Variants in NIPBL observed in about 807,000 individuals in gnomAD.
The protein encoded by NIPBL is nipped-B-like protein.
In NIPBL, 19 loss-of-function variants were observed where a neutral mutation model predicts 321.8. The observed-to-expected ratio is 0.06, with a 90% CI of 0.04 to 0.09. The LOEUF (loss-of-function observed/expected upper bound fraction) is 0.09, where lower values mean the gene tolerates loss of function less well. NIPBL is among the 10% of genes least tolerant of loss of function. NIPBL has a pLI of 1.00. For synonymous variants in NIPBL, 1,106 were observed against 1,114.1 expected (o/e 0.99, Z 0.14); for missense variants, 2,210 against 3,327.0 (o/e 0.66, Z 8.26).
intron 1 of NIPBL, among the ~76,000 whole-genome samples, chr5:36,908,563 C>T (rs1477653676): frequency 2.6e-5 from 4 of 151,844 alleles, no homozygotes; most frequent in African/African-American, 9.7e-5. Flanking sequence ...AGAATTGGTA[C>T]CACAAGGAAA....
At chr5:37,056,280 C>G (rs1211281567) in intron 42 of NIPBL, among the ~76,000 whole-genome samples, 1 of 152,016 alleles carries the variant, frequency 6.6e-6, no homozygotes, top group African/African-American at 2.4e-5. Flanking sequence ...TCCATCTGTG[C>G]TATGGGATCT....
At chr5:36,966,101 A>C (rs1742173389) in intron 6 of NIPBL, among the ~76,000 whole-genome samples, 1 of 152,106 alleles carries the variant, frequency 6.6e-6, no homozygotes, top group South Asian at 2.1e-4. Flanking sequence ...TCCAGAATAC[A>C]TTTGACTTTT....
At chr5:36,919,633 AT>A (rs1561386398) in intron 1 of NIPBL, among the ~76,000 whole-genome samples, 1 of 152,218 alleles carries the variant, frequency 6.6e-6, no homozygotes. Context: ...GGAGCTTTCA[AT>A]TTTGTAGGCA....
rs1755209484 is a variant in NIPBL at position 37,064,633 on chromosome 5, A to C, written c.8156A>C (p.Lys2719Thr). ...ATCGCTATTTGCTGTCCAAAGTACA[A>C]AGATCGACCACAAATTGCAAGAGTA... ...DVIAICCPKY[K>T]DRPQIARVVQ... The change falls in exon 47 of 47, where the codon AAA (lysine) becomes ACA (threonine). Residue 2719 changes from lysine to threonine, a missense_variant. Lys to Thr is a moderately conservative substitution (Grantham distance 78, BLOSUM62 -1). This residue lies in a region of NIPBL where 159 missense variants were observed against 319.2 expected (regional missense o/e 0.50). Coordinates refer to ENST00000282516, the MANE Select transcript of NIPBL (RefSeq NM_133433.4). 1 of 1,614,056 alleles carries C rather than the reference A, an allele frequency of 6.2e-7. No individual in the cohort carries two copies. The highest frequency in any genetic ancestry group is 8.5e-7 in the Non-Finnish European group (1 of 1,180,032).
chr5:37,030,755 T>C (rs963785319), intron 32 of NIPBL, among the ~76,000 whole-genome samples: 1 of 151,806 alleles, frequency 6.6e-6, no homozygotes, highest in Non-Finnish European at 1.5e-5. Flanking sequence ...ATTATGTTAG[T>C]ATATCTTTTT....
At chr5:36,934,072 C>A (rs1249806770) in intron 1 of NIPBL, among the ~76,000 whole-genome samples, 7 of 152,068 alleles carry the variant, frequency 4.6e-5, no homozygotes. Flanking sequence ...ATATGACCAC[C>A]TGGTGTCATC....
intron 31 of NIPBL, 55 bp downstream of exon 31, chr5:37,026,382 C>A: frequency 1.1e-6 from 1 of 949,890 alleles, no homozygotes; most frequent in Non-Finnish European, 1.7e-6. Flanking sequence ...CTAATTGAGG[C>A]CTACATGTCT....
At chr5:37,002,942 C>T (rs181650157) in intron 15 of NIPBL, among the ~76,000 whole-genome samples, 177 bp downstream of exon 15, 15 of 150,996 alleles carry the variant, frequency 9.9e-5, no homozygotes, top group African/African-American at 3.6e-4. Context: ...AAAAAGTATT[C>T]TGCAGATTAT....
intron 1 of NIPBL, among the ~76,000 whole-genome samples, chr5:36,914,587 A>T (rs1391400665): frequency 6.6e-6 from 1 of 152,144 alleles, no homozygotes; most frequent in Non-Finnish European, 1.5e-5. Flanking sequence ...AACATAAATG[A>T]ATTTTGTGTT....
At chr5:36,883,928 G>T (rs1005213913) in intron 1 of NIPBL, among the ~76,000 whole-genome samples, 2 of 151,388 alleles carry the variant, frequency 1.3e-5, no homozygotes, top group African/African-American at 4.8e-5. Context: ...TAAAATTGAT[G>T]CACATGAAAA....
intron 34 of NIPBL, 100 bp from the exon 35 acceptor site, chr5:37,044,247 A>T: frequency 9.3e-7 from 1 of 1,079,366 alleles, no homozygotes; most frequent in Non-Finnish European, 1.3e-6. Context: ...CTGGACCTTT[A>T]CGTGCAAAAT....
Position 37,048,565 on chromosome 5 carries a change from A to G in NIPBL, c.6653A>G (p.Asn2218Ser). The G allele has an allele frequency of 6.3e-7, 1 of 1,590,144 alleles. No individual in the cohort carries two copies. Among genetic ancestry groups the G allele is most frequent in the Non-Finnish European group, 8.6e-7 (1 of 1,166,376 alleles). The change falls in exon 39 of 47, where the codon AAT (asparagine) becomes AGT (serine). Residue 2218 changes from asparagine (N) to serine (S), a missense_variant. Transcript: ENST00000282516. The part of the protein sequence containing the change: ...FEQEVKNLYN[N>S]ILSDKNSSVN... ...CAAGAAGTGAAGAATCTATATAATA[A>G]TATTTTATCTGATAAGAACTCCTCA...
In NIPBL at chr5:37,014,785, A is replaced by G; in HGVS notation, c.4643+20A>G. 1 of 1,454,636 alleles carries G rather than the reference A, an allele frequency of 6.9e-7. No homozygotes were observed. The highest frequency in any genetic ancestry group is 9.7e-7 in the Non-Finnish European group (1 of 1,034,554). 90.1% of individuals were successfully genotyped at this position (1,454,636 alleles called of 1,614,324 possible). A position where few individuals can be genotyped will look rare whatever the true frequency, so the allele number is the denominator to read the frequency against. On this transcript the variant is annotated intron_variant, in intron 22 of 46. Transcript: ENST00000282516. ...TAAAAAGTGAGTAAAATTAATATAAATCTGGTTTTTCTTTTCCACAGTATA... is the reference window on the plus strand; with the variant it reads ...TAAAAAGTGAGTAAAATTAATATAAGTCTGGTTTTTCTTTTCCACAGTATA...
Position 36,927,589 on chromosome 5 carries a change from G to T in NIPBL, c.-79-26029G>T, listed in dbSNP as rs1018563627. On this transcript the variant is annotated intron_variant, in intron 1 of 46. Transcript: ENST00000282516. ...TCCAAAAGTTGTGTAAAAAAGATAG[G>T]AGTCAAGGATAATAAGATTTTTGGC... is the stretch of plus-strand genomic sequence containing the variant. 2.0e-5 allele frequency among the ~76,000 whole-genome samples: 3 copies of T among 152,142 alleles called. No homozygotes were observed. The South Asian group carries it at 6.2e-4, about 32-fold the overall frequency.
At chr5:37,061,592 G>A (rs1288902619) in intron 45 of NIPBL, among the ~76,000 whole-genome samples, 1 of 152,068 alleles carries the variant, frequency 6.6e-6, no homozygotes, top group Admixed American at 6.6e-5. Context: ...GGCAGGAGAA[G>A]TGCTTGAGCC....
At chr5:37,058,810 T>G in intron 43 of NIPBL, 81 bp from the exon 44 acceptor site, 1 of 1,296,190 alleles carries the variant, frequency 7.7e-7, no homozygotes, top group Non-Finnish European at 1.1e-6. Flanking sequence ...AGGAAGCTTT[T>G]TCAAGCTGTT....
chr5:36,961,605 T>A lies in NIPBL; in HGVS notation c.458+22T>A, dbSNP rs543937979. Reference sequence around the variant, plus strand: ...CCAGGTAATATATGTATATATCGTTTATTAAATATTGTCTTGTATGGTGAA... The same window carrying A: ...CCAGGTAATATATGTATATATCGTTAATTAAATATTGTCTTGTATGGTGAA... On this transcript the variant is annotated intron_variant, in intron 5 of 46. Transcript: ENST00000282516. 5 of 1,339,420 alleles carry A rather than the reference T, an allele frequency of 3.7e-6. No individual in the cohort carries two copies. In the South Asian group the frequency reaches 4.7e-5, roughly 13 times the overall value. The allele number at this position is 1,339,420 out of a possible 1,614,324, so 83.0% of individuals were successfully genotyped here. A position where few individuals can be genotyped will look rare whatever the true frequency, so the allele number is the denominator to read the frequency against.
intron 1 of NIPBL, among the ~76,000 whole-genome samples, chr5:36,883,528 A>G (rs902542739): frequency 6.9e-6 from 1 of 144,604 alleles, no homozygotes; most frequent in Admixed American, 7.1e-5. Flanking sequence ...TATTCTAGAT[A>G]CATTAAAACT....
intron 1 of NIPBL, among the ~76,000 whole-genome samples, chr5:36,952,258 A>G (rs1740468330): frequency 6.6e-6 from 1 of 152,062 alleles, no homozygotes; most frequent in African/African-American, 2.4e-5. Context: ...TGTCATTTGA[A>G]TGTTTGACGT....
Sources: gnomAD v4.1 joint callset for allele counts (sites outside exome capture counted in the v4.1 genomes callset) on GRCh38, gnomAD v4.1.1 for gene constraint, gnomAD v4.1.1 regional missense constraint, MANE v1.5 for transcripts, NCBI Gene and HGNC (gene_info 2026-07-23, HGNC 2026-07-21) for gene names.